The following MAPKAPK5 variants were observed in gnomAD, a reference collection of about 807,000 sequenced individuals.
The protein encoded by MAPKAPK5 is MAP kinase-activated protein kinase 5.
MAPKAPK5 carries 30 observed loss-of-function variants against 65.1 expected under a neutral mutation model. The ratio of observed to expected loss-of-function variants is 0.46; its 90% CI spans 0.34 to 0.63. The LOEUF (loss-of-function observed/expected upper bound fraction) is 0.63. Ranked by LOEUF, MAPKAPK5 falls within the 20% of genes least tolerant of loss-of-function variation. The pLI is 0.01. For synonymous variants in MAPKAPK5, 179 were observed against 204.6 expected, an observed-to-expected ratio of 0.87 and a Z score of 1.07; for missense variants, 433 against 581.4, an observed-to-expected ratio of 0.74 and a Z score of 2.63.
At chr12:111,875,396 T>C (rs532524395) in intron 7 of MAPKAPK5, among the ~76,000 whole-genome samples, 1 of 151,906 alleles carries the variant, frequency 6.6e-6, no homozygotes, top group African/African-American at 2.4e-5. Flanking sequence ...TTTTAAAATT[T>C]AAAAAAAATT....
intron 13 of MAPKAPK5, 116 bp from the exon 14 acceptor site, chr12:111,892,851 C>A (rs1303519095): frequency 6.5e-6 from 4 of 613,868 alleles, no homozygotes; most frequent in Admixed American, 6.1e-5. Context: ...GGGGTGGTTC[C>A]CCCACTGGTG....
chr12:111,890,792 G>A (rs2070576867), intron 13 of MAPKAPK5, among the ~76,000 whole-genome samples: 1 of 152,104 alleles, frequency 6.6e-6, no homozygotes, highest in Admixed American at 6.5e-5. Flanking sequence ...CAAATAGCTG[G>A]GACTACAGGC....
intron 1 of MAPKAPK5, among the ~76,000 whole-genome samples, chr12:111,862,372 C>T (rs2069468528): frequency 6.6e-6 from 1 of 152,156 alleles, no homozygotes; most frequent in Non-Finnish European, 1.5e-5. Context: ...GTTGAACTTT[C>T]TTGGCTGTCC....
At position 111,900,034 on chromosome 12, in the gene MAPKAPK5, C is replaced by T. The variant is rs2070972517; in HGVS notation, c.*6973C>T. On this transcript the variant is annotated 3_prime_UTR_variant, in exon 14 of 14. Coordinates refer to ENST00000550735, the MANE Select transcript of MAPKAPK5 (RefSeq NM_003668.4). ...AGTAACGTCAATGAGACGGTCCAGA[C>T]AGTAGTGGATGTCATTGCTCTGGCC... 4.4e-6 allele frequency: 2 copies of T among 455,898 alleles called. No individual in the cohort carries two copies. Among genetic ancestry groups the T allele is most frequent in the Non-Finnish European group, 8.8e-6 (2 of 226,794 alleles). 28.2% of individuals were successfully genotyped at this position (455,898 alleles called of 1,614,324 possible). A position where few individuals can be genotyped will look rare whatever the true frequency, so the allele number is the denominator to read the frequency against.
Position 111,896,153 on chromosome 12 carries a change from T to A in MAPKAPK5, c.*3092T>A, listed in dbSNP as rs746562440. 6.6e-5 allele frequency: 10 copies of A among 152,242 alleles called. No homozygotes were observed. Among genetic ancestry groups the A allele is most frequent in the Non-Finnish European group, 1.3e-4 (9 of 68,040 alleles). The allele number at this position is 152,242 out of a possible 1,614,324, so 9.4% of individuals were successfully genotyped here. A position where few individuals can be genotyped will look rare whatever the true frequency, so the allele number is the denominator to read the frequency against. ...TTATATCCATAACTTCTTAAATTTG[T>A]GACTTGGGTGTCTTCTAAAAAGGCT... is the stretch of plus-strand genomic sequence containing the variant. On this transcript the variant is annotated 3_prime_UTR_variant, in exon 14 of 14. Coordinates refer to ENST00000550735, the MANE Select transcript of MAPKAPK5 (RefSeq NM_003668.4).
At chr12:111,861,924 T>G (rs2069452043) in intron 1 of MAPKAPK5, among the ~76,000 whole-genome samples, 1 of 152,230 alleles carries the variant, frequency 6.6e-6, no homozygotes, top group South Asian at 2.1e-4. Flanking sequence ...TGGAGAATTC[T>G]CAAAAATGAT....
At chr12:111,888,253 C>A (rs2070479905) in intron 10 of MAPKAPK5, 3 of 430,624 alleles carry the variant, frequency 7.0e-6, no homozygotes, top group African/African-American at 4.0e-5. Flanking sequence ...ATTTCTGTCC[C>A]CCCACCAGGG....
In MAPKAPK5 at chr12:111,883,755, G is replaced by A. The variant is rs1423694212; in HGVS notation, c.835G>A (p.Asp279Asn). 1 of 1,613,670 alleles carries A rather than the reference G, an allele frequency of 6.2e-7. No individual in the cohort carries two copies. The highest frequency in any genetic ancestry group is 8.5e-7 in the Non-Finnish European group (1 of 1,179,776). ...GAGTCAGATCTCAGAGATGGCCAAAGATGTTGTGAGGAAGTGAGTTCACGG... is the reference window on the plus strand; with the variant it reads ...GAGTCAGATCTCAGAGATGGCCAAAAATGTTGTGAGGAAGTGAGTTCACGG... ...EWSQISEMAK[D>N]VVRKLLKVKP... Residue 279 changes from aspartate (D) to asparagine (N), a missense_variant, in exon 9 of 14, where the codon GAT (aspartate) becomes AAT (asparagine). Physicochemically the swap from Asp to Asn is conservative, Grantham distance 23. This residue lies in a region of MAPKAPK5 where 99 missense variants were observed against 185.8 expected (regional missense o/e 0.53). Coordinates refer to ENST00000550735, the MANE Select transcript of MAPKAPK5 (RefSeq NM_003668.4). The surrounding 1 kb of genome is among the most constrained non-coding windows in gnomAD (Gnocchi z 4.8).
intron 7 of MAPKAPK5, among the ~76,000 whole-genome samples, chr12:111,875,130 A>G (rs1482422929): frequency 6.6e-6 from 1 of 151,958 alleles, no homozygotes; most frequent in African/African-American, 2.4e-5. Flanking sequence ...TCCTAAATTC[A>G]TTTATTAAAT....
chr12:111,851,820 G>A (rs1243482381), intron 1 of MAPKAPK5, among the ~76,000 whole-genome samples: 4 of 152,188 alleles, frequency 2.6e-5, no homozygotes, highest in Non-Finnish European at 4.4e-5. Flanking sequence ...CCAGATGTGC[G>A]TGACTTCATA....
In MAPKAPK5 at chr12:111,898,718, A is replaced by G. The variant is rs1015460340; in HGVS notation, c.*5657A>G. ...CTTGAATTAAAGAAAAAAACCAGAC[A>G]CTGACAAAGGAGAGCTGAACTGATA... On this transcript the variant is annotated 3_prime_UTR_variant, in exon 14 of 14. Coordinates refer to ENST00000550735, the MANE Select transcript of MAPKAPK5 (RefSeq NM_003668.4). The G allele has an allele frequency of 6.6e-6, 1 of 152,178 alleles. No individual in the cohort carries two copies. Among genetic ancestry groups the G allele is most frequent in the South Asian group, 2.1e-4 (1 of 4,826 alleles). 9.4% of individuals were successfully genotyped at this position (152,178 alleles called of 1,614,324 possible).
At position 111,897,749 on chromosome 12, in the gene MAPKAPK5, ATATT is replaced by A. The variant is rs1278692974; in HGVS notation, c.*4691_*4694del. On this transcript the variant is annotated 3_prime_UTR_variant, in exon 14 of 14. Coordinates refer to ENST00000550735, the MANE Select transcript of MAPKAPK5 (RefSeq NM_003668.4). ...TTGTATTATCTGTATTAGGAATTAA[ATATT>A]TAATAGGAATAGTGAATAAATTGAT... The A allele has an allele frequency of 2.0e-5, 3 of 152,158 alleles. No homozygotes were observed. The highest frequency in any genetic ancestry group is 2.4e-5 in the African/African-American group (1 of 41,436). The allele number at this position is 152,158 out of a possible 1,614,324, so 9.4% of individuals were successfully genotyped here. A position where few individuals can be genotyped will look rare whatever the true frequency, so the allele number is the denominator to read the frequency against.
At chr12:111,884,612 G>A (rs1468345406) in intron 9 of MAPKAPK5, among the ~76,000 whole-genome samples, 1 of 152,216 alleles carries the variant, frequency 6.6e-6, no homozygotes, top group African/African-American at 2.4e-5. Flanking sequence ...TGTAGGACTA[G>A]GTAAGAAGTC....
intron 12 of MAPKAPK5, chr12:111,889,796 C>T (rs2070543862): frequency 7.5e-6 from 3 of 401,892 alleles, no homozygotes; most frequent in East Asian, 9.1e-5. Flanking sequence ...ATTTCCCATC[C>T]CCTGGTGCTA....
chr12:111,859,652 C>CTTTTCT (rs1555269112), intron 1 of MAPKAPK5, among the ~76,000 whole-genome samples: 13 of 106,114 alleles, frequency 1.2e-4, no homozygotes, highest in African/African-American at 1.9e-4. Context: ...CTTTGCTTTT[C>CTTTTCT]TTTTTTTTTT....
chr12:111,888,206 G>T (rs2070476715), intron 10 of MAPKAPK5: 1 of 340,704 alleles, frequency 2.9e-6, no homozygotes, highest in African/African-American at 2.1e-5. Context: ...CTCAGTAGTG[G>T]CTTTGAGTGG....
intron 7 of MAPKAPK5, among the ~76,000 whole-genome samples, chr12:111,876,026 T>C (rs1411148119): frequency 6.6e-6 from 1 of 151,406 alleles, no homozygotes; most frequent in African/African-American, 2.4e-5. Context: ...GTGAACATGG[T>C]GAAACCCCGT....
rs138252827 is a variant in MAPKAPK5 at position 111,848,983 on chromosome 12, C to T, written c.36+6214C>T. Reference sequence around the variant, plus strand: ...CTTCACCATGTTGACCAGGTGGTCTCGTACTTCTGACCTCAAGTGATCCGC... The same window carrying T: ...CTTCACCATGTTGACCAGGTGGTCTTGTACTTCTGACCTCAAGTGATCCGC... On this transcript the variant is annotated intron_variant, in intron 1 of 13. Transcript: ENST00000550735. 1.5e-3 allele frequency among the ~76,000 whole-genome samples: 222 copies of T among 152,164 alleles called. 2 individuals carry two copies. The Middle Eastern group carries it at 0.037, about 26-fold the overall frequency.
chr12:111,866,758 C>T (rs922344037), intron 3 of MAPKAPK5, among the ~76,000 whole-genome samples: 8 of 152,096 alleles, frequency 5.3e-5, no homozygotes, highest in African/African-American at 1.2e-4. Flanking sequence ...TACAGGCATG[C>T]GCCACCACGC....
Sources: allele counts gnomAD v4.1 joint callset (sites outside exome capture counted in the v4.1 genomes callset), GRCh38; gene constraint gnomAD v4.1.1; regional missense constraint gnomAD v4.1.1; non-coding constraint Gnocchi (gnomAD v3.1); transcripts MANE v1.5; gene names NCBI Gene and HGNC (gene_info 2026-07-23, HGNC 2026-07-21).